The following PPFIA2 variants were observed in gnomAD, a reference collection of about 807,000 sequenced individuals.
PPFIA2 encodes PPFI scaffold protein A2.
In PPFIA2, 46 loss-of-function variants were observed where a neutral mutation model predicts 175.5. The ratio of observed to expected loss-of-function variants is 0.26; its 90% CI spans 0.21 to 0.34. The LOEUF (loss-of-function observed/expected upper bound fraction) is 0.34. Ranked by LOEUF, PPFIA2 falls within the 10% of genes least tolerant of loss-of-function variation. The probability of loss-of-function intolerance (pLI) is 1.00; values close to 1 mark genes in which losing one functional copy is unlikely to be tolerated. For synonymous variants in PPFIA2, 568 were observed against 511.4 expected, an observed-to-expected ratio of 1.11 and a Z score of -1.49; for missense variants, 1,179 against 1,506.1, an observed-to-expected ratio of 0.78 and a Z score of 3.60.
rs189779215 is a variant in PPFIA2, at chr12:81,649,550, T to C, written c.303+27241A>G. On this transcript the variant is annotated intron_variant, in intron 4 of 32. Coordinates refer to ENST00000549396, the MANE Select transcript of PPFIA2 (RefSeq NM_003625.5). The stretch of plus-strand genomic sequence containing the variant: ...TGCACTCATTGGAAAACATAGAAAT[T>C]CTACTTGTAGGTATCTGCTCAAGAG... Among the ~76,000 whole-genome samples, 32 of 152,300 alleles carry C rather than the reference T, an allele frequency of 2.1e-4. No individual in the cohort carries two copies. In the East Asian group the frequency reaches 5.8e-3, roughly 28 times the overall value.
chr12:81,290,312 T>C (rs996678454), intron 24 of PPFIA2, among the ~76,000 whole-genome samples: 2 of 151,780 alleles, frequency 1.3e-5, no homozygotes, highest in African/African-American at 4.8e-5. Flanking sequence ...ATACATAATG[T>C]TAGGTTATGA....
chr12:81,621,832 T>C (rs996395134), intron 4 of PPFIA2, among the ~76,000 whole-genome samples: 1 of 152,156 alleles, frequency 6.6e-6, no homozygotes, highest in African/African-American at 2.4e-5. Flanking sequence ...TTTAGACATA[T>C]ACATGGAGAT....
chr12:81,402,797 T>G (rs187056660), intron 8 of PPFIA2, among the ~76,000 whole-genome samples: 15 of 152,208 alleles, frequency 9.9e-5, no homozygotes, highest in Non-Finnish European at 1.0e-4. Flanking sequence ...GAGGTTGCAG[T>G]GAGCCAAGTT....
chr12:81,392,816 A>G (rs2040397060), intron 8 of PPFIA2, among the ~76,000 whole-genome samples: 1 of 151,922 alleles, frequency 6.6e-6, no homozygotes. Context: ...TCCCCAACTC[A>G]ATTAGTGAGA....
At chr12:81,358,971 T>C (rs952878428) in intron 15 of PPFIA2, among the ~76,000 whole-genome samples, 1 of 152,082 alleles carries the variant, frequency 6.6e-6, no homozygotes, top group Admixed American at 6.6e-5. Context: ...TCAATAAACA[T>C]GGTAATAAAG....
intron 8 of PPFIA2, among the ~76,000 whole-genome samples, chr12:81,401,081 T>C (rs1231264954): frequency 1.3e-5 from 2 of 152,126 alleles, no homozygotes; most frequent in Non-Finnish European, 2.9e-5. Context: ...TCTTCACCAC[T>C]CACCTTGTAC....
chr12:81,573,930 C>A (rs1048927480), intron 4 of PPFIA2, among the ~76,000 whole-genome samples: 8 of 151,842 alleles, frequency 5.3e-5, no homozygotes, highest in African/African-American at 1.4e-4. Context: ...AATTTGTAAA[C>A]TGCTCTATGC....
At chr12:81,422,154 G>GTATATA (rs533555962) in intron 7 of PPFIA2, among the ~76,000 whole-genome samples, 8 of 70,672 alleles carry the variant, frequency 1.1e-4, no homozygotes, top group East Asian at 6.2e-4. Flanking sequence ...ATATATGTGT[G>GTATATA]TATATATATA....
chr12:81,367,232 T>C, intron 13 of PPFIA2, 62 bp from the exon 14 acceptor site: 2 of 1,053,054 alleles, frequency 1.9e-6, no homozygotes, highest in Non-Finnish European at 2.5e-6. Context: ...TAAAAATATA[T>C]TGATTAATAT....
At chr12:81,508,357 A>G (rs1364492859) in intron 4 of PPFIA2, among the ~76,000 whole-genome samples, 3 of 151,830 alleles carry the variant, frequency 2.0e-5, no homozygotes, top group Non-Finnish European at 4.4e-5. Flanking sequence ...CCCCGTTTCT[A>G]CCAAAAATAC....
At chr12:81,355,886 C>G (rs1215136094) in intron 16 of PPFIA2, among the ~76,000 whole-genome samples, 1 of 152,178 alleles carries the variant, frequency 6.6e-6, no homozygotes. Context: ...TTTACGTAGA[C>G]CACTAAAACG....
chr12:81,727,543 C>A (rs1596910003), intron 3 of PPFIA2, among the ~76,000 whole-genome samples: 1 of 151,240 alleles, frequency 6.6e-6, no homozygotes, highest in African/African-American at 2.4e-5. Context: ...CAAACAGAGG[C>A]ATCTGAGAGC....
chr12:81,360,824 AC>A (rs1351497239), intron 15 of PPFIA2, among the ~76,000 whole-genome samples: 1 of 151,750 alleles, frequency 6.6e-6, no homozygotes. Context: ...TTTCTATAAT[AC>A]TTTATACTTG....
At chr12:81,699,095 T>C (rs965464537) in intron 3 of PPFIA2, among the ~76,000 whole-genome samples, 1 of 152,040 alleles carries the variant, frequency 6.6e-6, no homozygotes, top group African/African-American at 2.4e-5. Context: ...AGAAAAATTT[T>C]AGAAATAAAA....
intron 3 of PPFIA2, among the ~76,000 whole-genome samples, chr12:81,707,036 A>T (rs2077248902): frequency 6.6e-6 from 1 of 152,194 alleles, no homozygotes; most frequent in Non-Finnish European, 1.5e-5. Flanking sequence ...TGGATTAAAG[A>T]CTTAAACGTT....
intron 7 of PPFIA2, among the ~76,000 whole-genome samples, chr12:81,419,295 G>A (rs2045856403): frequency 6.6e-6 from 1 of 151,904 alleles, no homozygotes; most frequent in Non-Finnish European, 1.5e-5. Flanking sequence ...ATAAAGTAAT[G>A]ATGTTTGCAA....
At chr12:81,648,644 T>G (rs1464677552) in intron 4 of PPFIA2, among the ~76,000 whole-genome samples, 1 of 151,886 alleles carries the variant, frequency 6.6e-6, no homozygotes, top group South Asian at 2.1e-4. Flanking sequence ...ATGTAGAAAT[T>G]GACAAGCTGA....
intron 4 of PPFIA2, among the ~76,000 whole-genome samples, chr12:81,656,861 A>G (rs937433930): frequency 6.6e-5 from 10 of 152,026 alleles, no homozygotes; most frequent in African/African-American, 2.4e-4. Flanking sequence ...CCTCTTTGAA[A>G]AATAATTTAA....
chr12:81,663,814 C>T (rs952378905), intron 4 of PPFIA2, among the ~76,000 whole-genome samples: 4 of 152,166 alleles, frequency 2.6e-5, no homozygotes, highest in Non-Finnish European at 5.9e-5. Context: ...GTAACCAAAA[C>T]AGCATGGTAC....
Sources: gnomAD v4.1 joint callset for allele counts (sites outside exome capture counted in the v4.1 genomes callset) on GRCh38, gnomAD v4.1.1 for gene constraint, MANE v1.5 for transcripts, NCBI Gene and HGNC (gene_info 2026-07-23, HGNC 2026-07-21) for gene names.